Variants in SORCS3 observed in about 807,000 individuals in gnomAD.
The protein encoded by SORCS3 is VPS10 domain-containing receptor SorCS3.
In SORCS3, 57 loss-of-function variants were observed where a neutral mutation model predicts 146.3. The ratio of observed to expected loss-of-function variants is 0.39; its 90% CI spans 0.31 to 0.49. The LOEUF is 0.49. Ranked by LOEUF, SORCS3 falls within the 20% of genes least tolerant of loss-of-function variation. SORCS3 has a pLI of 0.92. For synonymous variants in SORCS3, 653 were observed against 618.5 expected (o/e 1.06, Z -0.83); for missense variants, 1,341 against 1,575.5 (o/e 0.85, Z 2.52).
intron 3 of SORCS3, among the ~76,000 whole-genome samples, chr10:104,934,987 T>G (rs146460756): frequency 3.8e-4 from 58 of 152,208 alleles, no homozygotes; most frequent in African/African-American, 1.3e-3. Context: ...GGTCCATGAG[T>G]GTTTTCTAAA....
chr10:104,663,857 AAAG>A (rs1482032782), intron 1 of SORCS3, among the ~76,000 whole-genome samples: 1 of 152,012 alleles, frequency 6.6e-6, no homozygotes, highest in Non-Finnish European at 1.5e-5. Flanking sequence ...GGTGCACAGT[AAAG>A]AAGAAGATCT....
intron 10 of SORCS3, among the ~76,000 whole-genome samples, chr10:105,157,938 G>T (rs1281105715): frequency 1.3e-5 from 2 of 152,198 alleles, no homozygotes; most frequent in East Asian, 1.9e-4. Flanking sequence ...TGTTTCTTCT[G>T]AGCAAAAAGT....
chr10:104,957,611 C>T (rs2019509050), intron 3 of SORCS3, among the ~76,000 whole-genome samples: 1 of 151,728 alleles, frequency 6.6e-6, no homozygotes, highest in African/African-American at 2.4e-5. Flanking sequence ...AAATACAAAA[C>T]CATCACATTT....
At chr10:104,906,413 G>A (rs763616358) in intron 2 of SORCS3, among the ~76,000 whole-genome samples, 16 of 152,194 alleles carry the variant, frequency 1.1e-4, no homozygotes, top group Non-Finnish European at 1.6e-4. Flanking sequence ...TGGGGGTTAT[G>A]TAGCTATAAC....
chr10:105,099,103 T>C (rs1260122425), intron 6 of SORCS3, among the ~76,000 whole-genome samples: 1 of 152,232 alleles, frequency 6.6e-6, no homozygotes, highest in Admixed American at 6.5e-5. Flanking sequence ...GCAGCAATAT[T>C]ACTTCCTTCC....
chr10:104,939,249 C>T (rs1373041097), intron 3 of SORCS3, among the ~76,000 whole-genome samples: 1 of 152,150 alleles, frequency 6.6e-6, no homozygotes, highest in African/African-American at 2.4e-5. Flanking sequence ...TCTTGTTTAC[C>T]TCCCTAGCAT....
At chr10:104,795,088 A>G (rs2017539763) in intron 1 of SORCS3, among the ~76,000 whole-genome samples, 1 of 152,352 alleles carries the variant, frequency 6.6e-6, no homozygotes, top group East Asian at 1.9e-4. Context: ...ACTTTCCTAC[A>G]CACACAATTA....
intron 22 of SORCS3, among the ~76,000 whole-genome samples, chr10:105,250,856 G>A (rs770029829): frequency 2.0e-5 from 3 of 152,156 alleles, no homozygotes; most frequent in Non-Finnish European, 4.4e-5. Flanking sequence ...TTACTTCCCT[G>A]CGGGCTGGCT....
chr10:104,716,826 A>G (rs1428118086), intron 1 of SORCS3, among the ~76,000 whole-genome samples: 1 of 152,132 alleles, frequency 6.6e-6, no homozygotes, highest in African/African-American at 2.4e-5. Flanking sequence ...TCCATGGTGG[A>G]CCATTGTCAT....
In SORCS3 at chr10:105,008,747, A is replaced by G. The variant is rs183888091; in HGVS notation, c.954+31254A>G. Among the ~76,000 whole-genome samples, 342 of 152,300 alleles carry G rather than the reference A, an allele frequency of 2.2e-3. 1 individual carries two copies. Among genetic ancestry groups the G allele is most frequent in the African/African-American group, 7.2e-3 (298 of 41,572 alleles). On this transcript the variant is annotated intron_variant, in intron 4 of 26. Transcript: ENST00000369701. ...CTGCAACCTCCCCCTCGGGGGTTCA[A>G]GCAATTCTCCTGCCTCAGCCTCCTG...
intron 1 of SORCS3, among the ~76,000 whole-genome samples, chr10:104,695,960 T>TAC (rs1324338169): frequency 4.2e-5 from 6 of 143,658 alleles, no homozygotes; most frequent in African/African-American, 1.5e-4. Flanking sequence ...ATATATTATA[T>TAC]ACACATATAA....
At chr10:105,068,761 G>A (rs1269121067) in intron 5 of SORCS3, among the ~76,000 whole-genome samples, 5 of 152,098 alleles carry the variant, frequency 3.3e-5, no homozygotes, top group Admixed American at 6.5e-5. Flanking sequence ...GCAATTCAAG[G>A]TTATCAGTAA....
At chr10:105,114,394 C>T (rs2055879987) in intron 7 of SORCS3, among the ~76,000 whole-genome samples, 1 of 152,134 alleles carries the variant, frequency 6.6e-6, no homozygotes, top group Admixed American at 6.5e-5. Context: ...TTGCCTCTGC[C>T]AGGTCTTTCT....
chr10:104,654,583 G>GA, intron 1 of SORCS3, among the ~76,000 whole-genome samples: 1 of 152,214 alleles, frequency 6.6e-6, no homozygotes, highest in East Asian at 1.9e-4. Context: ...AAGATTCTTG[G>GA]CATGTCTAAA....
chr10:105,179,521 T>A lies in SORCS3; in HGVS notation c.2009+1348T>A, dbSNP rs1190936330. 2.9e-4 allele frequency among the ~76,000 whole-genome samples: 44 copies of A among 152,318 alleles called. 1 individual carries two copies. Among genetic ancestry groups the A allele is most frequent in the Non-Finnish European group, 4.4e-5 (3 of 68,032 alleles). On this transcript the variant is annotated intron_variant, in intron 14 of 26. Coordinates refer to ENST00000369701, the MANE Select transcript of SORCS3 (RefSeq NM_014978.3). ...AGAGAATAGAGCATAATCATTTTCT[T>A]ATAGGGGATCTTTTTATGAAATTAA...
Position 105,201,401 on chromosome 10 carries a change from A to G in SORCS3, c.2261+148A>G, listed in dbSNP as rs575140072. On this transcript the variant is annotated intron_variant, in intron 16 of 26. Coordinates refer to ENST00000369701, the MANE Select transcript of SORCS3 (RefSeq NM_014978.3). ...GCCTGTGGGCCCATCCATCCCAGTT[A>G]CTGGGCCAGATGGGAAGTCTGCATT... 1.8e-5 allele frequency: 18 copies of G among 973,848 alleles called. No individual in the cohort carries two copies. The Admixed American group carries it at 4.7e-4, about 26-fold the overall frequency. 60.3% of individuals were successfully genotyped at this position (973,848 alleles called of 1,614,324 possible).
At chr10:105,057,548 T>C (rs1174837976) in intron 5 of SORCS3, among the ~76,000 whole-genome samples, 1 of 152,136 alleles carries the variant, frequency 6.6e-6, no homozygotes, top group Non-Finnish European at 1.5e-5. Context: ...GCTCTATCAG[T>C]GGGCTCACCC....
intron 1 of SORCS3, among the ~76,000 whole-genome samples, chr10:104,738,728 C>A (rs2016807232): frequency 6.6e-6 from 1 of 152,136 alleles, no homozygotes; most frequent in Admixed American, 6.5e-5. Flanking sequence ...AGGTCACAGA[C>A]AAAGTTGGGT....
intron 5 of SORCS3, among the ~76,000 whole-genome samples, chr10:105,062,912 C>T (rs1197054782): frequency 6.6e-6 from 1 of 152,120 alleles, no homozygotes; most frequent in Non-Finnish European, 1.5e-5. Flanking sequence ...GCTCAGAAAT[C>T]TACTCTGGTT....
Sources: allele counts gnomAD v4.1 joint callset (sites outside exome capture counted in the v4.1 genomes callset), GRCh38; gene constraint gnomAD v4.1.1; transcripts MANE v1.5; gene names NCBI Gene and HGNC (gene_info 2026-07-23, HGNC 2026-07-21).